CRB1: variants seen among roughly 807,000 people sequenced by gnomAD.
The protein encoded by CRB1 is crumbs cell polarity complex component 1, also known as protein crumbs homolog 1.
A neutral mutation model predicts 120.0 loss-of-function variants in CRB1; 83 were observed. The ratio of observed to expected loss-of-function variants is 0.69; its 90% CI spans 0.58 to 0.83. The LOEUF is 0.83. Among genes scored for constraint, CRB1 ranks in the 40% least tolerant of loss-of-function variants. The pLI is 0.00. For missense variants in CRB1, 1,699 were observed against 1,687.6 expected, an observed-to-expected ratio of 1.01 and a Z score of -0.12; for synonymous variants, 625 against 612.5, an observed-to-expected ratio of 1.02 and a Z score of -0.30.
intron 5 of CRB1, among the ~76,000 whole-genome samples, chr1:197,393,663 T>C (rs1041120887): frequency 1.3e-5 from 2 of 152,114 alleles, no homozygotes; most frequent in African/African-American, 4.8e-5. Flanking sequence ...ACCCAATTAG[T>C]TCAAACTAAT....
At chr1:197,341,489 G>A (rs957173836) in intron 2 of CRB1, among the ~76,000 whole-genome samples, 3 of 151,972 alleles carry the variant, frequency 2.0e-5, no homozygotes, top group South Asian at 2.1e-4. Flanking sequence ...GTTGCAGCGA[G>A]CCAAGAAAGC....
chr1:197,450,525 A>G (rs1457067368), intron 11 of CRB1, among the ~76,000 whole-genome samples: 1 of 152,108 alleles, frequency 6.6e-6, no homozygotes, highest in Non-Finnish European at 1.5e-5. Flanking sequence ...TTTTTTGTAA[A>G]CATTATAAGG....
intron 1 of CRB1, among the ~76,000 whole-genome samples, chr1:197,302,981 TTAATGA>T (rs1183007045): frequency 2.6e-5 from 4 of 152,198 alleles, no homozygotes; most frequent in Non-Finnish European, 4.4e-5. Context: ...TGTCTCATCT[TTAATGA>T]AGCTGCACTA....
chr1:197,369,686 C>G (rs557829308), intron 5 of CRB1, among the ~76,000 whole-genome samples: 1 of 152,234 alleles, frequency 6.6e-6, no homozygotes, highest in South Asian at 2.1e-4. Context: ...GAAGTCCCAG[C>G]GTCCCAGTTC....
At chr1:197,356,188 A>C (rs1386967557) in intron 4 of CRB1, among the ~76,000 whole-genome samples, 1 of 152,234 alleles carries the variant, frequency 6.6e-6, no homozygotes, top group Admixed American at 6.5e-5. Flanking sequence ...AAACAGTCAC[A>C]TACACTAAAA....
the CRB1 span, among the ~76,000 whole-genome samples, chr1:197,230,622 A>G: frequency 1.3e-5 from 2 of 152,160 alleles, no homozygotes; most frequent in Admixed American, 6.6e-5. Flanking sequence ...TTGCAGGTAA[A>G]TAAAATTATC....
chr1:197,245,940 G>A, the CRB1 span, among the ~76,000 whole-genome samples: 1 of 152,048 alleles, frequency 6.6e-6, no homozygotes, highest in African/African-American at 2.4e-5. Context: ...ACCACAGTTG[G>A]GGTATATGTC....
chr1:197,448,587 A>G (rs771861288), intron 11 of CRB1, among the ~76,000 whole-genome samples: 1 of 152,200 alleles, frequency 6.6e-6, no homozygotes, highest in Non-Finnish European at 1.5e-5. Flanking sequence ...CACAGCTGCC[A>G]CAGCTCTTCC....
At chr1:197,292,145 G>A (rs566005206) in intron 1 of CRB1, among the ~76,000 whole-genome samples, 1 of 152,060 alleles carries the variant, frequency 6.6e-6, no homozygotes, top group East Asian at 1.9e-4. Flanking sequence ...TTTTTGAAAA[G>A]ATCAACAAAA....
At chr1:197,344,662 A>G (rs1659668597) in intron 3 of CRB1, among the ~76,000 whole-genome samples, 186 bp downstream of exon 3, 1 of 152,224 alleles carries the variant, frequency 6.6e-6, no homozygotes. Context: ...CTGTCTCAAG[A>G]GGGAAGATTT....
chr1:197,286,200 A>G (rs1380074835), intron 1 of CRB1, among the ~76,000 whole-genome samples: 1 of 151,916 alleles, frequency 6.6e-6, no homozygotes, highest in African/African-American at 2.4e-5. Context: ...CTTGTTTTCT[A>G]GAAAATAGAG....
At chr1:197,401,478 A>G (rs144923095) in intron 5 of CRB1, among the ~76,000 whole-genome samples, 35 of 152,300 alleles carry the variant, frequency 2.3e-4, no homozygotes, top group African/African-American at 8.4e-4. Context: ...TGCTAACATA[A>G]TCATGAGCTT....
At chr1:197,242,096 T>C in the CRB1 span, among the ~76,000 whole-genome samples, 2,237 of 152,180 alleles carry the variant, frequency 0.015, 52 homozygotes, top group African/African-American at 0.047. Context: ...TGGGCTGAGA[T>C]GATGGGGTTT....
intron 1 of CRB1, among the ~76,000 whole-genome samples, chr1:197,305,735 G>A (rs567842544): frequency 9.9e-5 from 15 of 151,744 alleles, no homozygotes; most frequent in African/African-American, 3.1e-4. Flanking sequence ...CATTCTTCTT[G>A]AGCTAAAACT....
intron 2 of CRB1, among the ~76,000 whole-genome samples, chr1:197,340,276 C>A (rs1160450527): frequency 6.6e-6 from 1 of 152,044 alleles, no homozygotes; most frequent in Admixed American, 6.6e-5. Context: ...TGGGGCATTA[C>A]AAGTAAGGGA....
upstream of CRB1, among the ~76,000 whole-genome samples, chr1:197,265,677 C>T (rs766924273): frequency 2.6e-5 from 4 of 152,080 alleles, no homozygotes; most frequent in Non-Finnish European, 5.9e-5. Context: ...GCCCAAATGC[C>T]GAAGCTCAAA....
rs117057591 is a variant in CRB1, at chr1:197,281,994, C to G, written c.70+13512C>G. ...AAAATTATAGACTATATAAAACTTGCGATATAAAATATTAACTTGCTGCTT... is the reference window on the plus strand; with the variant it reads ...AAAATTATAGACTATATAAAACTTGGGATATAAAATATTAACTTGCTGCTT... On this transcript the variant is annotated intron_variant, in intron 1 of 11. Coordinates refer to ENST00000367400, the MANE Select transcript of CRB1 (RefSeq NM_201253.3). Among the ~76,000 whole-genome samples the G allele has an allele frequency of 6.7e-5, 10 of 149,606 alleles. No individual in the cohort carries two copies. In the East Asian group the frequency reaches 2.0e-3, roughly 30 times the overall value.
intron 11 of CRB1, among the ~76,000 whole-genome samples, chr1:197,462,162 T>C (rs1666560899): frequency 6.6e-6 from 1 of 152,136 alleles, no homozygotes; most frequent in Non-Finnish European, 1.5e-5. Flanking sequence ...AGAATAAGCT[T>C]TTTGCCTTAG....
At chr1:197,274,173 C>A (rs1265487122) in intron 1 of CRB1, among the ~76,000 whole-genome samples, 1 of 152,018 alleles carries the variant, frequency 6.6e-6, no homozygotes, top group African/African-American at 2.4e-5. Context: ...AGTGAGAAAC[C>A]TGATTTCCAC....
Sources: allele counts gnomAD v4.1 joint callset (sites outside exome capture counted in the v4.1 genomes callset), GRCh38; gene constraint gnomAD v4.1.1; transcripts MANE v1.5; gene names NCBI Gene and HGNC (gene_info 2026-07-23, HGNC 2026-07-21).